ATXN10: variants seen among roughly 807,000 people sequenced by gnomAD.
ATXN10 encodes the protein ataxin-10.
ATXN10 carries 28 observed loss-of-function variants against 52.9 expected under a neutral mutation model. That is an observed-to-expected ratio of 0.53 (90% CI 0.39 to 0.73). ATXN10 has a LOEUF of 0.73. Among genes scored for constraint, ATXN10 ranks in the 30% least tolerant of loss-of-function variants. The pLI, the probability that ATXN10 is intolerant of heterozygous loss-of-function variation, is 0.00. For missense variants in ATXN10, 565 were observed against 577.0 expected (o/e 0.98, Z 0.21); for synonymous variants, 226 against 221.5 (o/e 1.02, Z -0.18).
intron 9 of ATXN10, among the ~76,000 whole-genome samples, chr22:45,785,242 A>G (rs1405925405): frequency 1.3e-5 from 2 of 152,208 alleles, no homozygotes; most frequent in Non-Finnish European, 2.9e-5. Context: ...TGTGCACTCA[A>G]GTACATTAGA....
At chr22:45,716,982 T>C (rs1924472771) in intron 5 of ATXN10, among the ~76,000 whole-genome samples, 1 of 152,228 alleles carries the variant, frequency 6.6e-6, no homozygotes, top group African/African-American at 2.4e-5. Flanking sequence ...TTTTGGGTCC[T>C]GACTTCCTTT....
At chr22:45,704,016 T>C (rs1251501218) in intron 5 of ATXN10, 1 of 152,104 alleles carries the variant, frequency 6.6e-6, no homozygotes, top group Non-Finnish European at 1.5e-5. Context: ...TATATATGGA[T>C]ACATCCAAGG....
chr22:45,682,021 C>T (rs1922942619), intron 1 of ATXN10, among the ~76,000 whole-genome samples: 1 of 152,162 alleles, frequency 6.6e-6, no homozygotes, highest in Non-Finnish European at 1.5e-5. Flanking sequence ...CACTAAATTC[C>T]ATTGCCTTTT....
chr22:45,753,523 C>T (rs530517442), intron 9 of ATXN10, among the ~76,000 whole-genome samples: 54 of 149,946 alleles, frequency 3.6e-4, no homozygotes, highest in African/African-American at 9.0e-4. Flanking sequence ...CTCTTGCCTC[C>T]GCCTTCCTAG....
Position 45,828,204 on chromosome 22 carries a change from GAAAA to G in ATXN10, c.1238-14780_1238-14777del, listed in dbSNP as rs374348543. ...CATCTCTATTAAAAACTTTAAAAAA[GAAAA>G]AAAAAAGAAGAAAAAAATATTTAGA... is the stretch of plus-strand genomic sequence containing the variant. On this transcript the variant is annotated intron_variant, in intron 10 of 11. Transcript: ENST00000252934. This position sits in a 1 kb window ranked among gnomAD's most constrained non-coding sequence, Gnocchi z 4.5. 0.01 allele frequency among the ~76,000 whole-genome samples: 1,416 copies of G among 135,414 alleles called. 22 individuals are homozygous for G. The highest frequency in any genetic ancestry group is 0.037 in the African/African-American group (1,348 of 36,804). The allele number at this position is 135,414 out of a possible 152,430, so 88.8% of individuals were successfully genotyped here.
chr22:45,788,430 C>T (rs1489062064), intron 9 of ATXN10, among the ~76,000 whole-genome samples: 1 of 151,318 alleles, frequency 6.6e-6, no homozygotes, highest in Non-Finnish European at 1.5e-5. Flanking sequence ...CAGTTAGTGT[C>T]TGATCTACCT....
At chr22:45,799,087 G>GTT (rs140914038) in intron 9 of ATXN10, among the ~76,000 whole-genome samples, 66,846 of 149,282 alleles carry the variant, frequency 0.45, 16,010 homozygotes, top group Middle Eastern at 0.63. Flanking sequence ...TTTGTTTTTT[G>GTT]TTTTTCTTTT....
Position 45,727,892 on chromosome 22 carries a change from A to G in ATXN10, c.729-1533A>G, listed in dbSNP as rs956186998. Among the ~76,000 whole-genome samples the G allele has an allele frequency of 2.0e-5, 3 of 152,106 alleles. No individual in the cohort carries two copies. The highest frequency in any genetic ancestry group is 7.2e-5 in the African/African-American group (3 of 41,410). On this transcript the variant is annotated intron_variant, in intron 6 of 11. Coordinates refer to ENST00000252934, the MANE Select transcript of ATXN10 (RefSeq NM_013236.4). This position sits in a 1 kb window ranked among gnomAD's most constrained non-coding sequence, Gnocchi z 4.6. Reference sequence around the variant, plus strand: ...TGCTTTAAAGTCTATTTTATCTGACATAAGAGCTGTTCTGCTTGCTTTCGG... The same window carrying G: ...TGCTTTAAAGTCTATTTTATCTGACGTAAGAGCTGTTCTGCTTGCTTTCGG...
At position 45,678,892 on chromosome 22, in the gene ATXN10, T is replaced by C. The variant is rs1009940109; in HGVS notation, c.116+6713T>C. 2 of 152,238 alleles carry C rather than the reference T, an allele frequency of 1.3e-5. No individual in the cohort carries two copies. The highest frequency in any genetic ancestry group is 4.8e-5 in the African/African-American group (2 of 41,460). The allele number at this position is 152,238 out of a possible 1,614,324, so 9.4% of individuals were successfully genotyped here. ...GACATAGGAGTAGCTCACATGCTAT[T>C]AAATTATTAAATTTAATACATTTGT... On this transcript the variant is annotated intron_variant, in intron 1 of 11. Coordinates refer to ENST00000252934, the MANE Select transcript of ATXN10 (RefSeq NM_013236.4). This position sits in a 1 kb window ranked among gnomAD's most constrained non-coding sequence, Gnocchi z 4.1.
rs372340328 is a variant in ATXN10, at chr22:45,754,610, T to C, written c.1173+14072T>C. On this transcript the variant is annotated intron_variant, in intron 9 of 11. Coordinates refer to ENST00000252934, the MANE Select transcript of ATXN10 (RefSeq NM_013236.4). The surrounding 1 kb of genome is among the most constrained non-coding windows in gnomAD (Gnocchi z 5.4). The stretch of plus-strand genomic sequence containing the variant: ...CCGCAAGCCTGTAATCCCAGCACTT[T>C]GGGAGGCCGAGGCCAGCGGATCACC... 3.3e-5 allele frequency among the ~76,000 whole-genome samples: 5 copies of C among 152,178 alleles called. No individual in the cohort carries two copies. The highest frequency in any genetic ancestry group is 1.2e-4 in the African/African-American group (5 of 41,444).
chr22:45,830,694 GAAAA>G (rs571033027), intron 10 of ATXN10, among the ~76,000 whole-genome samples: 12 of 115,578 alleles, frequency 1.0e-4, no homozygotes, highest in Non-Finnish European at 2.2e-4. Flanking sequence ...TACAAAACAA[GAAAA>G]AAAAAAAAAA....
rs1456545331 is a variant in ATXN10 at position 45,824,297 on chromosome 22, A to C, written c.1237+17275A>C. On this transcript the variant is annotated intron_variant, in intron 10 of 11. Coordinates refer to ENST00000252934, the MANE Select transcript of ATXN10 (RefSeq NM_013236.4). The surrounding 1 kb of genome is among the most constrained non-coding windows in gnomAD (Gnocchi z 5.2). Reference sequence around the variant, plus strand: ...TCCTACTCACCTTTGAGTTTGATTTAAATATTATTTATTTAAGATAAGTCT... The same window carrying C: ...TCCTACTCACCTTTGAGTTTGATTTCAATATTATTTATTTAAGATAAGTCT... 6.6e-6 allele frequency among the ~76,000 whole-genome samples: 1 copy of C among 152,130 alleles called. No homozygotes were observed. Among genetic ancestry groups the C allele is most frequent in the African/African-American group, 2.4e-5 (1 of 41,422 alleles).
At chr22:45,801,087 G>C (rs1927917516) in intron 9 of ATXN10, among the ~76,000 whole-genome samples, 1 of 152,232 alleles carries the variant, frequency 6.6e-6, no homozygotes, top group African/African-American at 2.4e-5. Context: ...CAGTGCGTTA[G>C]GTTTCAGGCG....
Position 45,824,071 on chromosome 22 carries a change from G to C in ATXN10, c.1237+17049G>C, listed in dbSNP as rs771429239. ...TGGTGGTACAGTGGGTATGCAGTAA[G>C]TTCTGGAGCAGGGACTTACCTTCCT... is the stretch of plus-strand genomic sequence containing the variant. On this transcript the variant is annotated intron_variant, in intron 10 of 11. Coordinates refer to ENST00000252934, the MANE Select transcript of ATXN10 (RefSeq NM_013236.4). The surrounding 1 kb of genome is among the most constrained non-coding windows in gnomAD (Gnocchi z 5.2). Among the ~76,000 whole-genome samples the C allele has an allele frequency of 3.7e-4, 56 of 152,186 alleles. 1 individual carries two copies. Among genetic ancestry groups the C allele is most frequent in the Non-Finnish European group, 1.2e-4 (8 of 68,018 alleles).
chr22:45,778,354 C>T (rs78617269), intron 9 of ATXN10, among the ~76,000 whole-genome samples: 5,191 of 152,208 alleles, frequency 0.034, 131 homozygotes, highest in Non-Finnish European at 0.048. Flanking sequence ...CGAATACTGG[C>T]CTTTATGGAG....
chr22:45,791,433 G>A lies in ATXN10; in HGVS notation c.1174-15526G>A, dbSNP rs569877981. Among the ~76,000 whole-genome samples, 8 of 151,628 alleles carry A rather than the reference G, an allele frequency of 5.3e-5. No individual in the cohort carries two copies. The South Asian group carries it at 1.5e-3, about 28-fold the overall frequency. The stretch of plus-strand genomic sequence containing the variant: ...TCCTTTACCTATGACATTTACTATG[G>A]GTTTCTGACACATAGCCTTTTTGAA... On this transcript the variant is annotated intron_variant, in intron 9 of 11. Transcript: ENST00000252934.
At chr22:45,822,425 T>C (rs1928678789) in intron 10 of ATXN10, among the ~76,000 whole-genome samples, 1 of 152,144 alleles carries the variant, frequency 6.6e-6, no homozygotes, top group Non-Finnish European at 1.5e-5. Context: ...AAAGCTCCTT[T>C]CACTCTGCCT....
rs961473781 is a variant in ATXN10 at position 45,754,513 on chromosome 22, CCTCT to C, written c.1173+13978_1173+13981del. Among the ~76,000 whole-genome samples, 1 of 152,094 alleles carries C rather than the reference CCTCT, an allele frequency of 6.6e-6. No individual in the cohort carries two copies. Among genetic ancestry groups the C allele is most frequent in the African/African-American group, 2.4e-5 (1 of 41,408 alleles). On this transcript the variant is annotated intron_variant, in intron 9 of 11. Coordinates refer to ENST00000252934, the MANE Select transcript of ATXN10 (RefSeq NM_013236.4). This position sits in a 1 kb window ranked among gnomAD's most constrained non-coding sequence, Gnocchi z 5.4. ...AGCCTGTGCTTACTGTGTCATTCTG[CCTCT>C]CTAAGTTAAATGTGCAGGAAAGGCT...
At position 45,729,542 on chromosome 22, in the gene ATXN10, G is replaced by T. The variant is rs1925005969; in HGVS notation, c.846G>T (p.Gln282His). 20 of 1,614,184 alleles carry T rather than the reference G, an allele frequency of 1.2e-5. No individual in the cohort carries two copies. Among genetic ancestry groups the T allele is most frequent in the Non-Finnish European group, 1.7e-5 (20 of 1,180,022 alleles). The change falls in exon 7 of 12, where the codon CAG becomes CAT. Residue 282 changes from glutamine to histidine, a missense_variant. By Grantham distance (24) the Gln-to-His change is conservative. Transcript: ENST00000252934. ...AELIASTFVD[Q>H]CKTVLKLASE... ...TGATTGCAAGCACCTTTGTGGATCAGTGCAAGACTGTGCTCAAGCTGGCCT... is the reference window on the plus strand; with the variant it reads ...TGATTGCAAGCACCTTTGTGGATCATTGCAAGACTGTGCTCAAGCTGGCCT...
Sources: gnomAD v4.1 joint callset for allele counts (sites outside exome capture counted in the v4.1 genomes callset) on GRCh38, gnomAD v4.1.1 for gene constraint, Gnocchi (gnomAD v3.1) non-coding constraint, MANE v1.5 for transcripts, NCBI Gene and HGNC (gene_info 2026-07-23, HGNC 2026-07-21) for gene names.